Variants in PLEKHG1 observed in about 807,000 individuals in gnomAD.
PLEKHG1 encodes the protein pleckstrin homology and RhoGEF domain containing G1.
A neutral mutation model predicts 100.8 loss-of-function variants in PLEKHG1; 44 were observed. The observed-to-expected ratio is 0.44, with a 90% confidence interval of 0.34 to 0.56. The LOEUF is 0.56. Ranked by LOEUF, PLEKHG1 falls within the 20% of genes least tolerant of loss-of-function variation. PLEKHG1 has a pLI of 0.01. For missense variants in PLEKHG1, 1,545 were observed against 1,720.9 expected, an observed-to-expected ratio of 0.90 and a Z score of 1.81; for synonymous variants, 640 against 662.5, an observed-to-expected ratio of 0.97 and a Z score of 0.52.
At chr6:150,830,365 G>A (rs1431902800) in intron 14 of PLEKHG1, among the ~76,000 whole-genome samples, 1 of 152,186 alleles carries the variant, frequency 6.6e-6, no homozygotes, top group Non-Finnish European at 1.5e-5. Context: ...GTTCACACCT[G>A]TAGTGCCAGC....
At chr6:150,798,271 A>C (rs1202374737) in intron 5 of PLEKHG1, among the ~76,000 whole-genome samples, 1 of 152,216 alleles carries the variant, frequency 6.6e-6, no homozygotes, top group Non-Finnish European at 1.5e-5. Flanking sequence ...ATTCTGAAGA[A>C]TCATCAAAGT....
chr6:150,647,444 T>G (rs1235535064), intron 2 of PLEKHG1, among the ~76,000 whole-genome samples: 1 of 152,188 alleles, frequency 6.6e-6, no homozygotes, highest in East Asian at 1.9e-4. Flanking sequence ...TTGGTCTCCT[T>G]TTTACAAAAT....
intron 14 of PLEKHG1, chr6:150,827,556 G>A (rs879331427): frequency 1.6e-5 from 10 of 624,414 alleles, no homozygotes; most frequent in African/African-American, 1.1e-4. Flanking sequence ...GATTACAGGC[G>A]TGAGCCACTG....
At chr6:150,814,550 A>G (rs1247936509) in intron 10 of PLEKHG1, among the ~76,000 whole-genome samples, 1 of 152,160 alleles carries the variant, frequency 6.6e-6, no homozygotes, top group Non-Finnish European at 1.5e-5. Flanking sequence ...GGTAGTTCTT[A>G]TTCTTCCCAT....
At chr6:150,796,265 G>A (rs1467322206) in intron 5 of PLEKHG1, among the ~76,000 whole-genome samples, 1 of 152,194 alleles carries the variant, frequency 6.6e-6, no homozygotes, top group East Asian at 1.9e-4. Context: ...CACTGCTAAT[G>A]AGTTTCTATA....
rs947526908 is a variant in PLEKHG1 at position 150,600,603 on chromosome 6, A to C, written c.-204+586A>C. Among the ~76,000 whole-genome samples the C allele has an allele frequency of 3.3e-5, 5 of 152,040 alleles. No individual in the cohort carries two copies. Among genetic ancestry groups the C allele is most frequent in the Admixed American group, 2.6e-4 (4 of 15,280 alleles). ...CCCCCGTTCTGCAGATGCGCTTTTC[A>C]GGGGGTGGGGAGTCAAGAGCCTGTG... On this transcript the variant is annotated intron_variant, in intron 1 of 3. Coordinates refer to the PLEKHG1 transcript ENST00000367326. The surrounding 1 kb of genome is among the most constrained non-coding windows in gnomAD (Gnocchi z 6.2).
intron 4 of PLEKHG1, 86 bp from the exon 6 acceptor site, chr6:150,795,770 C>A: frequency 1.3e-6 from 1 of 763,552 alleles, no homozygotes; most frequent in South Asian, 1.7e-5. Flanking sequence ...TGTCAAGGCC[C>A]GAATGCTATT....
chr6:150,813,945 G>A lies in PLEKHG1; in HGVS notation c.1278+4211G>A, dbSNP rs145507919. The stretch of plus-strand genomic sequence containing the variant: ...ATGATCATGAAAATTGAACTGGGTG[G>A]AAAATAAGGGCTGAGATTTCTGAGA... On this transcript the variant is annotated intron_variant, in intron 10 of 15. Coordinates refer to ENST00000358517, the Ensembl canonical transcript of PLEKHG1. Among the ~76,000 whole-genome samples, 96 of 152,224 alleles carry A rather than the reference G, an allele frequency of 6.3e-4. 1 individual carries two copies. In the East Asian group the frequency reaches 0.016, roughly 25 times the overall value.
intron 1 of PLEKHG1, among the ~76,000 whole-genome samples, chr6:150,606,521 T>G (rs767680104): frequency 1.2e-4 from 19 of 152,166 alleles, no homozygotes; most frequent in Non-Finnish European, 2.4e-4. Flanking sequence ...TCTTCCAATA[T>G]TTCCCCATCC....
At chr6:150,679,669 TGCCAG>T (rs2128588593) in intron 3 of PLEKHG1, among the ~76,000 whole-genome samples, 1 of 152,384 alleles carries the variant, frequency 6.6e-6, no homozygotes, top group South Asian at 2.1e-4. Context: ...ATGTACTCTG[TGCCAG>T]GTGCTGTTTC....
chr6:150,656,421 T>C (rs889353618), intron 3 of PLEKHG1, among the ~76,000 whole-genome samples: 2 of 152,158 alleles, frequency 1.3e-5, no homozygotes, highest in African/African-American at 4.8e-5. Context: ...GTAATAGGTT[T>C]CTGTTGAAAA....
At chr6:150,715,644 C>T (rs1781400698) in intron 3 of PLEKHG1, among the ~76,000 whole-genome samples, 1 of 151,038 alleles carries the variant, frequency 6.6e-6, no homozygotes, top group African/African-American at 2.4e-5. Context: ...TGCGCCACCA[C>T]GCCCAGCTAA....
At chr6:150,631,572 A>G (rs7766108) in intron 1 of PLEKHG1, among the ~76,000 whole-genome samples, 5,578 of 152,302 alleles carry the variant, frequency 0.037, 338 homozygotes, top group African/African-American at 0.13. Flanking sequence ...GAAGTAACTG[A>G]ACAACACTGT....
intron 5 of PLEKHG1, among the ~76,000 whole-genome samples, chr6:150,796,313 A>G (rs1786329558): frequency 6.6e-6 from 1 of 152,206 alleles, no homozygotes; most frequent in Non-Finnish European, 1.5e-5. Flanking sequence ...TTTTTTTCCA[A>G]ATAAGTTTTA....
At chr6:150,818,375 C>T (rs1003565732) in intron 11 of PLEKHG1, among the ~76,000 whole-genome samples, 159 bp downstream of exon 12, 2 of 152,180 alleles carry the variant, frequency 1.3e-5, no homozygotes, top group Admixed American at 1.3e-4. Context: ...CCCTTCTAAG[C>T]ACATTGACTT....
intron 2 of PLEKHG1, among the ~76,000 whole-genome samples, chr6:150,638,474 C>A (rs1399809592): frequency 6.6e-6 from 1 of 152,186 alleles, no homozygotes; most frequent in Middle Eastern, 3.2e-3. Context: ...ATTCATTGAC[C>A]CTTGCTTGAA....
intron 3 of PLEKHG1, among the ~76,000 whole-genome samples, chr6:150,692,562 A>G (rs1780383409): frequency 6.6e-6 from 1 of 152,254 alleles, no homozygotes; most frequent in South Asian, 2.1e-4. Context: ...TATGTGATCT[A>G]GAGAAGACAA....
chr6:150,699,897 G>C (rs548852590), intron 3 of PLEKHG1, among the ~76,000 whole-genome samples: 76 of 142,518 alleles, frequency 5.3e-4, no homozygotes, highest in African/African-American at 2.2e-3. Context: ...ATAAAGACTG[G>C]CAATTATCCA....
Position 150,600,812 on chromosome 6 carries a change from G to A in PLEKHG1, c.-204+795G>A, listed in dbSNP as rs1437130938. 1.3e-5 allele frequency: 2 copies of A among 152,246 alleles called. No homozygotes were observed. The highest frequency in any genetic ancestry group is 4.8e-5 in the African/African-American group (2 of 41,462). 9.4% of individuals were successfully genotyped at this position (152,246 alleles called of 1,614,324 possible). On this transcript the variant is annotated intron_variant, in intron 1 of 3. Coordinates refer to the PLEKHG1 transcript ENST00000367326. This position sits in a 1 kb window ranked among gnomAD's most constrained non-coding sequence, Gnocchi z 6.2. ...CTAACTGGGAGAACGGCGCTCGGCT[G>A]GTCAATTCATTCCGCTCCTCGGAAA...
Sources: allele counts gnomAD v4.1 joint callset (sites outside exome capture counted in the v4.1 genomes callset), GRCh38; gene constraint gnomAD v4.1.1; non-coding constraint Gnocchi (gnomAD v3.1); transcripts MANE v1.5; gene names NCBI Gene and HGNC (gene_info 2026-07-23, HGNC 2026-07-21).